Variants in ACSM2B observed in about 807,000 individuals in gnomAD.
ACSM2B encodes the protein acyl-coenzyme A synthetase ACSM2B, mitochondrial.
ACSM2B carries 58 observed loss-of-function variants against 78.6 expected under a neutral mutation model. The observed-to-expected ratio is 0.74, with a 90% CI of 0.60 to 0.92. The LOEUF is 0.92. ACSM2B is among the 40% of genes least tolerant of loss of function. The pLI is 0.00. For synonymous variants in ACSM2B, 257 were observed against 256.8 expected (o/e 1.00, Z -0.01); for missense variants, 688 against 711.2 (o/e 0.97, Z 0.37).
rs185541047 is a variant in ACSM2B at position 20,538,164 on chromosome 16, A to G, written c.1630-802T>C. On this transcript the variant is annotated intron_variant, in intron 13 of 13. Transcript: ENST00000329697. Reference sequence around the variant, plus strand: ...ACGCTTTATTAACTTTAATTTAATAATAGGGATACTGAGATGGAGAAAGTA... The same window carrying G: ...ACGCTTTATTAACTTTAATTTAATAGTAGGGATACTGAGATGGAGAAAGTA... Among the ~76,000 whole-genome samples the G allele has an allele frequency of 3.9e-5, 6 of 152,306 alleles. No individual in the cohort carries two copies. In the East Asian group the frequency reaches 7.7e-4, roughly 20 times the overall value.
chr16:20,559,979 C>G (rs1182093918), intron 2 of ACSM2B, among the ~76,000 whole-genome samples: 1 of 150,902 alleles, frequency 6.6e-6, no homozygotes, highest in Middle Eastern at 3.2e-3. Context: ...ATATTTATCT[C>G]TATCTACTTA....
intron 1 of ACSM2B, 22 bp from the exon 2 acceptor site, chr16:20,564,875 C>T (rs774825035): frequency 6.3e-7 from 1 of 1,584,964 alleles, no homozygotes; most frequent in Non-Finnish European, 8.6e-7. Context: ...AGAAGAGACA[C>T]AGGTAAGAGC....
intron 12 of ACSM2B, chr16:20,542,051 G>A (rs565809408): frequency 6.6e-6 from 1 of 152,016 alleles, no homozygotes; most frequent in East Asian, 1.9e-4. Context: ...ATCAAGTTAG[G>A]ATACTTGGGG....
At chr16:20,560,217 C>A (rs540966024) in intron 2 of ACSM2B, among the ~76,000 whole-genome samples, 35 of 151,314 alleles carry the variant, frequency 2.3e-4, no homozygotes, top group Middle Eastern at 3.2e-3. Context: ...CTTTCCTACT[C>A]TATGAATTTG....
At chr16:20,547,889 C>T in intron 8 of ACSM2B, 173 bp downstream of exon 8, 3 of 1,436,538 alleles carry the variant, frequency 2.1e-6, no homozygotes, top group Non-Finnish European at 2.8e-6. Flanking sequence ...GGAACTTTGC[C>T]TTTTTTGTTC....
Position 20,555,107 on chromosome 16 carries a change from G to GAA in ACSM2B, c.596+160_596+161dup, listed in dbSNP as rs11413987. 6.9e-4 allele frequency among the ~76,000 whole-genome samples: 103 copies of GAA among 149,134 alleles called. 1 individual carries two copies. The highest frequency in any genetic ancestry group is 2.6e-3 in the East Asian group (13 of 5,082). On this transcript the variant is annotated intron_variant, in intron 4 of 13. Coordinates refer to ENST00000329697, the MANE Select transcript of ACSM2B (RefSeq NM_001105069.2). ...CCCCACTTAGTCCTTGCAATGACTT[G>GAA]AAAAAAAAAACCCTTGTATTAGCTT...
chr16:20,570,509 G>T (rs139809718), intron 1 of ACSM2B, among the ~76,000 whole-genome samples: 7,825 of 151,912 alleles, frequency 0.052, 676 homozygotes, highest in African/African-American at 0.18. Flanking sequence ...CAAGGATATT[G>T]GTCTGCAGTT....
chr16:20,540,231 T>TG (rs1567203963), intron 13 of ACSM2B, among the ~76,000 whole-genome samples: 2 of 87,896 alleles, frequency 2.3e-5, no homozygotes, highest in African/African-American at 5.6e-5. Context: ...TTTGTTTTTT[T>TG]TTTTTGTTTG....
In ACSM2B at chr16:20,536,519, A is replaced by C. The variant is rs1382957391; in HGVS notation, c.*739T>G. The C allele has an allele frequency of 2.0e-5, 3 of 152,110 alleles. No individual in the cohort carries two copies. The highest frequency in any genetic ancestry group is 4.4e-5 in the Non-Finnish European group (3 of 68,036). 9.4% of individuals were successfully genotyped at this position (152,110 alleles called of 1,614,324 possible). On this transcript the variant is annotated 3_prime_UTR_variant, in exon 14 of 14. Transcript: ENST00000329697. The stretch of plus-strand genomic sequence containing the variant: ...TTTCAAGGTTTGGAGTGACTTGCGG[A>C]TGATTCTAATGTCCCAGCCCCACAC...
intron 3 of ACSM2B, 145 bp from the exon 4 acceptor site, chr16:20,555,621 G>T: frequency 6.9e-7 from 1 of 1,459,604 alleles, no homozygotes; most frequent in Non-Finnish European, 9.1e-7. Flanking sequence ...TAAAAAAGGG[G>T]ACTAAGGACT....
At chr16:20,545,715 T>C (rs531617892) in intron 9 of ACSM2B, among the ~76,000 whole-genome samples, 1 of 152,350 alleles carries the variant, frequency 6.6e-6, no homozygotes, top group East Asian at 1.9e-4. Context: ...TGAAATAAGA[T>C]ACTAAGAAAG....
intron 10 of ACSM2B, among the ~76,000 whole-genome samples, chr16:20,543,603 C>A (rs1266910361): frequency 6.6e-6 from 1 of 152,210 alleles, no homozygotes; most frequent in Non-Finnish European, 1.5e-5. Flanking sequence ...CACTCCATAG[C>A]ACCACTCAAA....
At chr16:20,571,211 A>G (rs2016086037) in intron 1 of ACSM2B, among the ~76,000 whole-genome samples, 1 of 152,064 alleles carries the variant, frequency 6.6e-6, no homozygotes, top group Non-Finnish European at 1.5e-5. Flanking sequence ...ATTTAAGGCT[A>G]TGAACTTTCC....
chr16:20,547,903 G>A, intron 8 of ACSM2B, 159 bp downstream of exon 8: 1 of 1,476,894 alleles, frequency 6.8e-7, no homozygotes, highest in Non-Finnish European at 9.0e-7. Flanking sequence ...TTTGTTCTGT[G>A]CTGAATTTTC....
chr16:20,556,489 C>G (rs1254838988), intron 3 of ACSM2B, among the ~76,000 whole-genome samples: 1 of 152,154 alleles, frequency 6.6e-6, no homozygotes, highest in Non-Finnish European at 1.5e-5. Context: ...GTAATCCCAG[C>G]TACTCAGGAG....
intron 1 of ACSM2B, among the ~76,000 whole-genome samples, chr16:20,570,913 T>C (rs2016075603): frequency 6.6e-6 from 1 of 151,938 alleles, no homozygotes; most frequent in African/African-American, 2.4e-5. Flanking sequence ...GTATCAGTTG[T>C]AATATCTCCC....
At position 20,559,464 on chromosome 16, in the gene ACSM2B, C is replaced by G. The variant is rs759628455; in HGVS notation, c.178-17G>C. On this transcript the variant is annotated splice_polypyrimidine_tract_variant and intron_variant, in intron 2 of 13. Coordinates refer to ENST00000329697, the MANE Select transcript of ACSM2B (RefSeq NM_001105069.2). The stretch of plus-strand genomic sequence containing the variant: ...CTTGCCAGCCTGAGGAAAGAGAAAC[C>G]CTGTTGATTAGGGGGCATTGGTACA... The G allele has an allele frequency of 6.2e-7, 1 of 1,612,366 alleles. No homozygotes were observed. Among genetic ancestry groups the G allele is most frequent in the Non-Finnish European group, 8.5e-7 (1 of 1,179,178 alleles).
intron 6 of ACSM2B, among the ~76,000 whole-genome samples, chr16:20,551,161 T>G (rs1335667132): frequency 6.6e-6 from 1 of 152,146 alleles, no homozygotes; most frequent in Non-Finnish European, 1.5e-5. Context: ...GTGATAGATA[T>G]CAAACGAAGG....
chr16:20,575,436 C>T (rs2016219847), intron 1 of ACSM2B: 1 of 150,782 alleles, frequency 6.6e-6, no homozygotes, highest in South Asian at 2.1e-4. Context: ...TCACAAGGTC[C>T]CACAATAGGC....
Sources: gnomAD v4.1 joint callset for allele counts (sites outside exome capture counted in the v4.1 genomes callset) on GRCh38, gnomAD v4.1.1 for gene constraint, MANE v1.5 for transcripts, NCBI Gene and HGNC (gene_info 2026-07-23, HGNC 2026-07-21) for gene names.